The following CFAP61 variants were observed in gnomAD, a reference collection of about 807,000 sequenced individuals.
The protein encoded by CFAP61 is cilia- and flagella-associated protein 61.
Under a neutral mutation model 135.6 loss-of-function variants are expected in CFAP61, and 107 were observed. The observed-to-expected ratio is 0.79, with a 90% CI of 0.67 to 0.93. CFAP61 has a LOEUF of 0.93. CFAP61 is among the 40% of genes least tolerant of loss of function. The probability of loss-of-function intolerance (pLI) is 0.00; values close to 1 mark genes in which losing one functional copy is unlikely to be tolerated. For missense variants in CFAP61, 1,507 were observed against 1,556.2 expected (o/e 0.97, Z 0.53); for synonymous variants, 575 against 578.5 (o/e 0.99, Z 0.09).
At chr20:20,314,782 C>T (rs1428719026) in intron 25 of CFAP61, among the ~76,000 whole-genome samples, 22 of 132,846 alleles carry the variant, frequency 1.7e-4, no homozygotes, top group South Asian at 1.3e-3. Flanking sequence ...TGAGAATATG[C>T]GGTGTTTGGT....
At chr20:20,229,034 C>T (rs891769619) in intron 18 of CFAP61, among the ~76,000 whole-genome samples, 2 of 152,208 alleles carry the variant, frequency 1.3e-5, no homozygotes, top group African/African-American at 2.4e-5. Flanking sequence ...TTTGGATCCC[C>T]TGGAACAGGT....
intron 25 of CFAP61, among the ~76,000 whole-genome samples, chr20:20,317,173 C>T (rs2057186803): frequency 2.6e-5 from 4 of 152,002 alleles, no homozygotes; most frequent in Admixed American, 1.3e-4. Flanking sequence ...TGTGCCTGGC[C>T]TCTTATGCAA....
At chr20:20,314,686 AC>A (rs1471543969) in intron 25 of CFAP61, among the ~76,000 whole-genome samples, 1 of 47,902 alleles carries the variant, frequency 2.1e-5, no homozygotes, top group Non-Finnish European at 4.4e-5. Flanking sequence ...TCCCTCCCCC[AC>A]CCCCCCACCC....
chr20:20,280,466 G>A (rs555927247), intron 22 of CFAP61, among the ~76,000 whole-genome samples: 1 of 152,326 alleles, frequency 6.6e-6, no homozygotes, highest in South Asian at 2.1e-4. Context: ...AACGAAAGCA[G>A]ATGATGTCAC....
intron 26 of CFAP61, among the ~76,000 whole-genome samples, chr20:20,354,731 C>G (rs1206256275): frequency 6.0e-5 from 9 of 149,112 alleles, no homozygotes; most frequent in Admixed American, 5.3e-4. Context: ...GGTGGTCACA[C>G]TGTGAGAGAA....
At chr20:20,196,812 C>T (rs1246998626) in intron 16 of CFAP61, 36 bp downstream of exon 16, 1 of 1,553,116 alleles carries the variant, frequency 6.4e-7, no homozygotes, top group Non-Finnish European at 8.9e-7. Context: ...CCCAGCAGGT[C>T]AACGTTCACA....
At chr20:20,081,092 G>T (rs1416017218) in intron 6 of CFAP61, among the ~76,000 whole-genome samples, 1 of 152,096 alleles carries the variant, frequency 6.6e-6, no homozygotes, top group Admixed American at 6.5e-5. Flanking sequence ...GTGAGAGTTT[G>T]AGTGCCATTT....
At chr20:20,219,984 T>C (rs1197208949) in intron 17 of CFAP61, 2 of 152,188 alleles carry the variant, frequency 1.3e-5, no homozygotes, top group Non-Finnish European at 2.9e-5. Context: ...TCTTTTGTTA[T>C]TGATTACAAG....
At chr20:20,166,513 A>G in intron 12 of CFAP61, 77 bp downstream of exon 12, 3 of 1,144,708 alleles carry the variant, frequency 2.6e-6, no homozygotes, top group Non-Finnish European at 2.6e-6. Context: ...CCATAAATTT[A>G]TTATGCTGTG....
intron 26 of CFAP61, among the ~76,000 whole-genome samples, chr20:20,347,200 T>C (rs114378831): frequency 6.6e-6 from 1 of 152,122 alleles, no homozygotes; most frequent in Non-Finnish European, 1.5e-5. Flanking sequence ...TGCTAATAGA[T>C]GAATGAAAAC....
intron 9 of CFAP61, among the ~76,000 whole-genome samples, chr20:20,157,732 A>T (rs1350193336): frequency 6.6e-6 from 1 of 152,234 alleles, no homozygotes; most frequent in Non-Finnish European, 1.5e-5. Flanking sequence ...TAGAAACAAC[A>T]TTAAAAGCAC....
Position 20,288,650 on chromosome 20 carries a change from G to C in CFAP61, c.2838G>C (p.Thr946=), listed in dbSNP as rs145397130. ...SFCEKNVDYE[T]FKALNDACLV... is the part of the protein sequence containing the mutation. Reference sequence around the variant, plus strand: ...GTGAGAAGAATGTGGATTATGAAACGTTTAAAGCCCTCAATGATGCATGTC... The same window carrying C: ...GTGAGAAGAATGTGGATTATGAAACCTTTAAAGCCCTCAATGATGCATGTC... Residue 946 remains threonine, a synonymous_variant, in exon 23 of 27, where the codon ACG becomes ACC. Transcript: ENST00000245957. The C allele has an allele frequency of 6.2e-7, 1 of 1,613,972 alleles. No individual in the cohort carries two copies. Among genetic ancestry groups the C allele is most frequent in the African/African-American group, 1.3e-5 (1 of 74,904 alleles).
At chr20:20,276,341 CAGTT>C (rs2053759780) in intron 21 of CFAP61, among the ~76,000 whole-genome samples, 1 of 149,820 alleles carries the variant, frequency 6.7e-6, no homozygotes. Context: ...GAGTCTACAG[CAGTT>C]TATTTGTGAA....
chr20:20,333,994 C>T (rs1207899447), intron 25 of CFAP61, among the ~76,000 whole-genome samples: 1 of 152,156 alleles, frequency 6.6e-6, no homozygotes, highest in Non-Finnish European at 1.5e-5. Context: ...TCATGCTGGT[C>T]CCAGTGGCCT....
chr20:20,053,906 C>G (rs778578838), intron 1 of CFAP61, among the ~76,000 whole-genome samples: 9 of 151,744 alleles, frequency 5.9e-5, no homozygotes, highest in Non-Finnish European at 1.0e-4. Flanking sequence ...TGCCTTTGCT[C>G]AAAAGTACAA....
At chr20:20,079,326 G>A (rs1229522546) in intron 6 of CFAP61, among the ~76,000 whole-genome samples, 1 of 152,196 alleles carries the variant, frequency 6.6e-6, no homozygotes, top group Non-Finnish European at 1.5e-5. Context: ...GGTTTGGGGT[G>A]TGGTCTTGTC....
chr20:20,099,185 C>T (rs545671899), intron 8 of CFAP61, among the ~76,000 whole-genome samples: 1 of 151,488 alleles, frequency 6.6e-6, no homozygotes, highest in South Asian at 2.1e-4. Flanking sequence ...TTTTTCAAAT[C>T]AAGAACTCAG....
At chr20:20,164,372 C>T (rs1335789090) in intron 11 of CFAP61, 144 bp downstream of exon 11, 2 of 787,758 alleles carry the variant, frequency 2.5e-6, no homozygotes, top group Non-Finnish European at 2.0e-6. Flanking sequence ...ACACAAATTC[C>T]TAAGCCCCAT....
intron 6 of CFAP61, among the ~76,000 whole-genome samples, chr20:20,082,271 G>A (rs2046483968): frequency 6.6e-6 from 1 of 152,162 alleles, no homozygotes; most frequent in South Asian, 2.1e-4. Context: ...AAGGGTTTGG[G>A]GATGTAATTA....
Sources: allele counts gnomAD v4.1 joint callset (sites outside exome capture counted in the v4.1 genomes callset), GRCh38; gene constraint gnomAD v4.1.1; transcripts MANE v1.5; gene names NCBI Gene and HGNC (gene_info 2026-07-23, HGNC 2026-07-21).